Variants in AKAP19 observed in about 807,000 individuals in gnomAD.
The protein encoded by AKAP19 is small A-kinase anchoring protein.
chr2:190,009,478 T>A, the AKAP19 span, among the ~76,000 whole-genome samples: 1 of 152,182 alleles, frequency 6.6e-6, no homozygotes, highest in Non-Finnish European at 1.5e-5. Context: ...CTCAGGAATA[T>A]CTGTAAGGTT....
the AKAP19 span, among the ~76,000 whole-genome samples, chr2:189,948,834 A>G: frequency 6.7e-6 from 1 of 150,176 alleles, no homozygotes; most frequent in African/African-American, 2.5e-5. Flanking sequence ...TTTTTTTCTT[A>G]TTTATATGTT....
chr2:190,036,274 G>A, the AKAP19 span, among the ~76,000 whole-genome samples: 1 of 152,048 alleles, frequency 6.6e-6, no homozygotes, highest in African/African-American at 2.4e-5. Context: ...CCAACTATAC[G>A]CTCCCCCAAA....
At chr2:190,168,402 T>A in the AKAP19 span, among the ~76,000 whole-genome samples, 1 of 152,106 alleles carries the variant, frequency 6.6e-6, no homozygotes, top group South Asian at 2.1e-4. Context: ...CCTGGAGACA[T>A]TCCACCCCCA....
chr2:190,181,662 C>T, the AKAP19 span, among the ~76,000 whole-genome samples: 2 of 152,130 alleles, frequency 1.3e-5, no homozygotes, highest in African/African-American at 2.4e-5. Flanking sequence ...CTGACACCAG[C>T]CCTTCCCCTA....
chr2:189,932,731 T>TTACTATCA, the AKAP19 span, among the ~76,000 whole-genome samples: 5 of 151,438 alleles, frequency 3.3e-5, no homozygotes, highest in African/African-American at 1.2e-4. Flanking sequence ...AAAGAATCCA[T>TTACTATCA]TACTATCATT....
At chr2:189,913,637 T>C in the AKAP19 span, among the ~76,000 whole-genome samples, 2 of 152,196 alleles carry the variant, frequency 1.3e-5, no homozygotes, top group Admixed American at 6.5e-5. Context: ...GGAGCACTGA[T>C]GAAAATAAAT....
chr2:189,893,963 G>A, the AKAP19 span, among the ~76,000 whole-genome samples: 3 of 152,214 alleles, frequency 2.0e-5, no homozygotes, highest in African/African-American at 4.8e-5. Flanking sequence ...GACATCATAG[G>A]CATTACGGGT....
chr2:189,934,557 A>G, the AKAP19 span, among the ~76,000 whole-genome samples: 306 of 152,050 alleles, frequency 2.0e-3, no homozygotes, highest in Non-Finnish European at 3.2e-3. Context: ...CCAATTACCT[A>G]TATTTAAATC....
the AKAP19 span, among the ~76,000 whole-genome samples, chr2:190,159,499 C>T: frequency 3.2e-4 from 48 of 152,332 alleles, no homozygotes; most frequent in African/African-American, 1.1e-3. Context: ...CCTACTTCAA[C>T]TTGGGATGCG....
chr2:190,074,354 TTAAAAA>T, the AKAP19 span, among the ~76,000 whole-genome samples: 3 of 151,468 alleles, frequency 2.0e-5, no homozygotes, highest in African/African-American at 7.3e-5. Flanking sequence ...AAAGAAGAAT[TTAAAAA>T]TAGAGAAAAG....
the AKAP19 span, among the ~76,000 whole-genome samples, chr2:189,991,255 C>A: frequency 6.6e-6 from 1 of 152,094 alleles, no homozygotes; most frequent in Non-Finnish European, 1.5e-5. Context: ...ACTTTTAGTT[C>A]TTTAAGGAAA....
At chr2:189,960,792 C>T in the AKAP19 span, among the ~76,000 whole-genome samples, 1 of 152,076 alleles carries the variant, frequency 6.6e-6, no homozygotes, top group Non-Finnish European at 1.5e-5. Flanking sequence ...AGGTCCCTGA[C>T]CCCACCTTTG....
the AKAP19 span, chr2:189,879,675 G>T: frequency 6.6e-6 from 1 of 152,326 alleles, no homozygotes; most frequent in Non-Finnish European, 1.5e-5. Context: ...CTCCCAGAAT[G>T]GAGGTAACGG....
the AKAP19 span, among the ~76,000 whole-genome samples, chr2:190,024,521 T>C: frequency 1.4e-3 from 216 of 152,096 alleles, no homozygotes; most frequent in African/African-American, 5.1e-3. Context: ...TCCTATACAA[T>C]GCTAAACTGT....
chr2:190,085,160 G>C, the AKAP19 span, among the ~76,000 whole-genome samples: 1 of 152,130 alleles, frequency 6.6e-6, no homozygotes, highest in Admixed American at 6.6e-5. Context: ...TGAGGGGAGG[G>C]AAAGGAAATG....
chr2:190,100,657 A>T, the AKAP19 span, among the ~76,000 whole-genome samples: 1 of 152,232 alleles, frequency 6.6e-6, no homozygotes, highest in Non-Finnish European at 1.5e-5. Flanking sequence ...GAAGGATTAT[A>T]AACCATCAGG....
the AKAP19 span, among the ~76,000 whole-genome samples, chr2:189,950,342 T>A: frequency 1.6e-4 from 24 of 150,404 alleles, no homozygotes; most frequent in African/African-American, 5.6e-4. Flanking sequence ...TTGTTTTTTT[T>A]TTTTGTTTTT....
chr2:190,096,445 C>T, the AKAP19 span, among the ~76,000 whole-genome samples: 1 of 152,166 alleles, frequency 6.6e-6, no homozygotes, highest in Admixed American at 6.5e-5. Flanking sequence ...ACACACAGCC[C>T]TTCTTTTTAG....
At chr2:190,193,452 CTT>C in the AKAP19 span, among the ~76,000 whole-genome samples, 3 of 152,114 alleles carry the variant, frequency 2.0e-5, no homozygotes, top group South Asian at 6.2e-4. Flanking sequence ...CTCTTTCTCT[CTT>C]TTCTGAAGAG....
Sources: allele counts gnomAD v4.1 joint callset (sites outside exome capture counted in the v4.1 genomes callset), GRCh38; gene constraint gnomAD v4.1.1; transcripts MANE v1.5; gene names NCBI Gene and HGNC (gene_info 2026-07-23, HGNC 2026-07-21).